Variants in PTAR1 observed in about 807,000 individuals in gnomAD.
PTAR1 encodes protein prenyltransferase alpha subunit repeat containing 1.
In PTAR1, 17 loss-of-function variants were observed where a neutral mutation model predicts 45.5. The ratio of observed to expected loss-of-function variants is 0.37; its 90% CI spans 0.26 to 0.56. PTAR1 has a LOEUF of 0.56. Among genes scored for constraint, PTAR1 ranks in the 20% least tolerant of loss-of-function variants. The pLI is 0.77. For missense variants in PTAR1, 391 were observed against 476.3 expected, an observed-to-expected ratio of 0.82 and a Z score of 1.67; for synonymous variants, 169 against 171.3, an observed-to-expected ratio of 0.99 and a Z score of 0.11.
rs149937613 is a variant in PTAR1 at position 69,729,656 on chromosome 9, G to A, written c.642+2483C>T. On this transcript the variant is annotated intron_variant, in intron 5 of 7. Coordinates refer to ENST00000340434, the MANE Select transcript of PTAR1 (RefSeq NM_001099666.2). ...GGAATTATTGTCACCCTCCTTTTCCGGATGAGAAAACTGAAGGTTGAAGAG... is the reference window on the plus strand; with the variant it reads ...GGAATTATTGTCACCCTCCTTTTCCAGATGAGAAAACTGAAGGTTGAAGAG... Among the ~76,000 whole-genome samples the A allele has an allele frequency of 3.7e-3, 564 of 152,156 alleles. 4 individuals are homozygous for A. Among genetic ancestry groups the A allele is most frequent in the African/African-American group, 0.012 (510 of 41,502 alleles).
intron 4 of PTAR1, among the ~76,000 whole-genome samples, chr9:69,733,905 A>G (rs1773274072): frequency 6.6e-6 from 1 of 152,204 alleles, no homozygotes; most frequent in Non-Finnish European, 1.5e-5. Flanking sequence ...ACTGTTAACT[A>G]TATGAGACAG....
chr9:69,733,019 T>C (rs1179555170), intron 4 of PTAR1, among the ~76,000 whole-genome samples: 2 of 152,158 alleles, frequency 1.3e-5, no homozygotes, highest in Non-Finnish European at 2.9e-5. Flanking sequence ...TACCAGTAAT[T>C]TACTTATATA....
chr9:69,720,373 A>G (rs548367194), intron 6 of PTAR1, among the ~76,000 whole-genome samples: 1 of 152,348 alleles, frequency 6.6e-6, no homozygotes, highest in African/African-American at 2.4e-5. Context: ...TAAGGCTCTA[A>G]TGCTCTTTAA....
In PTAR1 at chr9:69,715,112, T is replaced by C. The variant is rs1273098702; in HGVS notation, c.*3230A>G. On this transcript the variant is annotated 3_prime_UTR_variant, in exon 8 of 8. Coordinates refer to ENST00000340434, the MANE Select transcript of PTAR1 (RefSeq NM_001099666.2). ...AGTGGGTTCTTTAGCTCTACAAATT[T>C]TTAATATATATTATAATACAGTTAA... 1.3e-5 allele frequency: 2 copies of C among 152,036 alleles called. No individual in the cohort carries two copies. The highest frequency in any genetic ancestry group is 6.6e-5 in the Admixed American group (1 of 15,242). The allele number at this position is 152,036 out of a possible 1,614,324, so 9.4% of individuals were successfully genotyped here. A position where few individuals can be genotyped will look rare whatever the true frequency, so the allele number is the denominator to read the frequency against.
rs1271147423 is a variant in PTAR1, at chr9:69,713,458, C to T, written c.*4884G>A. ...CTATCTTGAAATATGGAATTCCTAT[C>T]CCTCCCTTCTCCATATACAAACAGA... is the stretch of plus-strand genomic sequence containing the variant. On this transcript the variant is annotated 3_prime_UTR_variant, in exon 8 of 8. Transcript: ENST00000340434. The T allele has an allele frequency of 6.6e-6, 1 of 152,066 alleles. No individual in the cohort carries two copies. The highest frequency in any genetic ancestry group is 1.5e-5 in the Non-Finnish European group (1 of 67,996). The allele number at this position is 152,066 out of a possible 1,614,324, so 9.4% of individuals were successfully genotyped here. A position where few individuals can be genotyped will look rare whatever the true frequency, so the allele number is the denominator to read the frequency against.
At chr9:69,724,911 T>C (rs982487415) in intron 5 of PTAR1, among the ~76,000 whole-genome samples, 1 of 152,206 alleles carries the variant, frequency 6.6e-6, no homozygotes, top group Admixed American at 6.5e-5. Context: ...TTTAAACATC[T>C]CCTTTAAGTT....
rs1330339511 is a variant in PTAR1 at position 69,710,819 on chromosome 9, T to C, written c.*7523A>G. On this transcript the variant is annotated 3_prime_UTR_variant, in exon 8 of 8. Transcript: ENST00000340434. ...ATGGCCAATGCCTGACCCTGCACCA[T>C]AGATTATATATGTAACTTTTCCATT... 3 of 152,248 alleles carry C rather than the reference T, an allele frequency of 2.0e-5. No homozygotes were observed. Among genetic ancestry groups the C allele is most frequent in the Admixed American group, 6.5e-5 (1 of 15,286 alleles). The allele number at this position is 152,248 out of a possible 1,614,324, so 9.4% of individuals were successfully genotyped here.
intron 3 of PTAR1, 52 bp from the exon 4 acceptor site, chr9:69,734,306 A>C: frequency 1.2e-6 from 1 of 829,178 alleles, no homozygotes; most frequent in Non-Finnish European, 1.8e-6. Flanking sequence ...CTTTATCCTT[A>C]TATCCAAAGG....
At chr9:69,741,053 G>C (rs1370848921) in intron 3 of PTAR1, among the ~76,000 whole-genome samples, 1 of 152,126 alleles carries the variant, frequency 6.6e-6, no homozygotes, top group African/African-American at 2.4e-5. Context: ...AATGGCTACT[G>C]TACTGGATTG....
intron 1 of PTAR1, among the ~76,000 whole-genome samples, chr9:69,756,504 T>A (rs550500884): frequency 2.0e-5 from 3 of 152,268 alleles, no homozygotes; most frequent in African/African-American, 7.2e-5. Flanking sequence ...ATGGAGGTAC[T>A]CTTTTGCAGA....
chr9:69,718,669 G>A lies in PTAR1; in HGVS notation c.963C>T (p.Tyr321=), dbSNP rs1320274755. Residue 321 remains tyrosine (Y), a synonymous_variant, in exon 7 of 8, where the codon TAC becomes TAT. Coordinates refer to ENST00000340434, the MANE Select transcript of PTAR1 (RefSeq NM_001099666.2). ...TLWCHRRHIF[Y]LQHHLNAGSQ... is the part of the protein sequence containing the mutation. Reference sequence around the variant, plus strand: ...ACCTACCATTTAAGTGATGCTGAAGGTAGAAAATATGCCGCCTGCGATAGA... The same window carrying A: ...ACCTACCATTTAAGTGATGCTGAAGATAGAAAATATGCCGCCTGCGATAGA... The A allele has an allele frequency of 6.3e-7, 1 of 1,576,050 alleles. No homozygotes were observed. Among genetic ancestry groups the A allele is most frequent in the African/African-American group, 1.4e-5 (1 of 73,530 alleles).
intron 6 of PTAR1, among the ~76,000 whole-genome samples, 159 bp from the exon 7 acceptor site, chr9:69,718,843 G>A (rs1187608336): frequency 6.6e-6 from 1 of 152,152 alleles, no homozygotes; most frequent in African/African-American, 2.4e-5. Context: ...CAGTAGAGAT[G>A]ATGTTCCAGG....
Position 69,741,811 on chromosome 9 carries a change from TA to T in PTAR1, c.303del (p.Phe101LeufsTer7). The T allele has an allele frequency of 6.2e-7, 1 of 1,600,472 alleles. No homozygotes were observed. Reference sequence around the variant, plus strand: ...ACATACCTCACGTTCCATGCAGTGGTAAAGTCTGGGTTTAGAAGCAGCAGGG... The same window carrying T: ...ACATACCTCACGTTCCATGCAGTGGTAAGTCTGGGTTTAGAAGCAGCAGGG... ...TCTLLLLNPD[F>X]TTAWNVRKEL... On this transcript the variant is annotated frameshift_variant, in exon 3 of 8. Coordinates refer to ENST00000340434, the MANE Select transcript of PTAR1 (RefSeq NM_001099666.2). LOFTEE classifies it high-confidence loss of function.
Position 69,718,689 on chromosome 9 carries a change from G to T in PTAR1, c.948-5C>A. 2 of 1,543,830 alleles carry T rather than the reference G, an allele frequency of 1.3e-6. No individual in the cohort carries two copies. Among genetic ancestry groups the T allele is most frequent in the Non-Finnish European group, 1.7e-6 (2 of 1,143,286 alleles). On this transcript the variant is annotated splice_region_variant and splice_polypyrimidine_tract_variant and intron_variant, in intron 6 of 7. Transcript: ENST00000340434. ...TGAAGGTAGAAAATATGCCGCCTGC[G>T]ATAGAGAGGGGAAGGAAGAGAATAA...
Position 69,718,120 on chromosome 9 carries a change from C to A in PTAR1, c.*222G>T. ...GAGAAGTTAAACAGAAAATTTAAGA[C>A]TCGCTGTTCAGCAGGAAGGAACTAT... is the stretch of plus-strand genomic sequence containing the variant. On this transcript the variant is annotated 3_prime_UTR_variant, in exon 8 of 8. Transcript: ENST00000340434. 1 of 428,956 alleles carries A rather than the reference C, an allele frequency of 2.3e-6. No individual in the cohort carries two copies. Among genetic ancestry groups the A allele is most frequent in the Non-Finnish European group, 4.1e-6 (1 of 241,230 alleles). 26.6% of individuals were successfully genotyped at this position (428,956 alleles called of 1,614,324 possible). A position where few individuals can be genotyped will look rare whatever the true frequency, so the allele number is the denominator to read the frequency against.
intron 5 of PTAR1, 145 bp from the exon 6 acceptor site, chr9:69,723,775 G>T: frequency 1.6e-6 from 1 of 643,048 alleles, no homozygotes; most frequent in Non-Finnish European, 2.6e-6. Context: ...CTAGCACAGT[G>T]CTCTCACTTA....
At position 69,714,071 on chromosome 9, in the gene PTAR1, G is replaced by A. The variant is rs1824632319; in HGVS notation, c.*4271C>T. ...CTATGTGACAATAAGGAATTCTTAG[G>A]GTTGATTTTTCTTCATTAACTTCTC... On this transcript the variant is annotated 3_prime_UTR_variant, in exon 8 of 8. Coordinates refer to ENST00000340434, the MANE Select transcript of PTAR1 (RefSeq NM_001099666.2). 2 of 151,946 alleles carry A rather than the reference G, an allele frequency of 1.3e-5. No individual in the cohort carries two copies. Among genetic ancestry groups the A allele is most frequent in the South Asian group, 4.2e-4 (2 of 4,818 alleles). The allele number at this position is 151,946 out of a possible 1,614,324, so 9.4% of individuals were successfully genotyped here.
chr9:69,759,959 T>C lies in PTAR1; in HGVS notation c.-21A>G, dbSNP rs1403862688. 2 of 1,465,908 alleles carry C rather than the reference T, an allele frequency of 1.4e-6. No individual in the cohort carries two copies. The highest frequency in any genetic ancestry group is 1.9e-4 in the Middle Eastern group (1 of 5,374). 90.8% of individuals were successfully genotyped at this position (1,465,908 alleles called of 1,614,324 possible). A position where few individuals can be genotyped will look rare whatever the true frequency, so the allele number is the denominator to read the frequency against. On this transcript the variant is annotated 5_prime_UTR_variant, in exon 1 of 8. Coordinates refer to ENST00000340434, the MANE Select transcript of PTAR1 (RefSeq NM_001099666.2). ...GCCATGTTGGCGGCGGCCGCGACAGTTCGGGCGCGCCTCCGCGTGAGCCGG... is the reference window on the plus strand; with the variant it reads ...GCCATGTTGGCGGCGGCCGCGACAGCTCGGGCGCGCCTCCGCGTGAGCCGG...
At chr9:69,730,149 C>A (rs1825468273) in intron 5 of PTAR1, among the ~76,000 whole-genome samples, 1 of 151,934 alleles carries the variant, frequency 6.6e-6, no homozygotes, top group Non-Finnish European at 1.5e-5. Flanking sequence ...TCCTCACTGA[C>A]AACAAGAGCA....
Sources: allele counts gnomAD v4.1 joint callset (sites outside exome capture counted in the v4.1 genomes callset), GRCh38; gene constraint gnomAD v4.1.1; transcripts MANE v1.5; gene names NCBI Gene and HGNC (gene_info 2026-07-23, HGNC 2026-07-21).